The following LARGE1 variants were observed in gnomAD, a reference collection of about 807,000 sequenced individuals.
LARGE1 encodes LARGE xylosyl- and glucuronyltransferase 1, also known as xylosyl- and glucuronyltransferase LARGE1.
Under a neutral mutation model 87.6 loss-of-function variants are expected in LARGE1, and 43 were observed. The ratio of observed to expected loss-of-function variants is 0.49; its 90% CI spans 0.38 to 0.63. LARGE1 has a LOEUF of 0.63. LARGE1 is among the 30% of genes least tolerant of loss of function. The pLI, the probability that LARGE1 is intolerant of heterozygous loss-of-function variation, is 0.00. For missense variants in LARGE1, 802 were observed against 1,000.2 expected (o/e 0.80, Z 2.67); for synonymous variants, 434 against 394.6 (o/e 1.10, Z -1.18).
chr22:33,173,351 A>G (rs1922681641), intron 11 of LARGE1, among the ~76,000 whole-genome samples: 1 of 152,242 alleles, frequency 6.6e-6, no homozygotes, highest in South Asian at 2.1e-4. Flanking sequence ...TCCTGAAGGA[A>G]GCATTAAACA....
chr22:33,365,004 T>G (rs916746869), intron 9 of LARGE1, among the ~76,000 whole-genome samples: 21 of 152,194 alleles, frequency 1.4e-4, no homozygotes, highest in Admixed American at 6.5e-5. Context: ...CCTTCAGAAT[T>G]TTATCCCTTT....
intron 9 of LARGE1, among the ~76,000 whole-genome samples, chr22:33,376,580 G>A (rs548375105): frequency 2.6e-5 from 4 of 152,166 alleles, no homozygotes; most frequent in African/African-American, 7.2e-5. Flanking sequence ...TCAGAACAAG[G>A]CTCTATATCA....
chr22:33,573,388 G>A (rs1395407196), intron 5 of LARGE1, among the ~76,000 whole-genome samples: 7 of 151,726 alleles, frequency 4.6e-5, no homozygotes, highest in Admixed American at 2.6e-4. Flanking sequence ...GCAGTGAGCC[G>A]AGATCGAGCC....
chr22:33,393,126 T>C (rs1375460013), intron 7 of LARGE1, among the ~76,000 whole-genome samples: 1 of 152,244 alleles, frequency 6.6e-6, no homozygotes, highest in African/African-American at 2.4e-5. Context: ...TGAGTCTGTT[T>C]AGGATGTTAA....
chr22:33,857,856 C>G (rs568982317), intron 1 of LARGE1, among the ~76,000 whole-genome samples: 3 of 152,286 alleles, frequency 2.0e-5, no homozygotes. Context: ...GATCTAGAAC[C>G]AGAAATACCA....
chr22:33,256,740 C>A (rs368048610), intron 11 of LARGE1, among the ~76,000 whole-genome samples: 2 of 152,208 alleles, frequency 1.3e-5, no homozygotes, highest in African/African-American at 2.4e-5. Flanking sequence ...TAGCCTCATG[C>A]GGTCTGTATC....
the LARGE1 span, among the ~76,000 whole-genome samples, chr22:33,085,708 T>C: frequency 6.6e-6 from 1 of 152,348 alleles, no homozygotes; most frequent in Non-Finnish European, 1.5e-5. Flanking sequence ...TTATTGTTGA[T>C]TTGTATAATG....
chr22:33,721,113 C>T (rs1296711052), intron 2 of LARGE1, among the ~76,000 whole-genome samples: 1 of 152,202 alleles, frequency 6.6e-6, no homozygotes, highest in Non-Finnish European at 1.5e-5. Flanking sequence ...AACTAAACAA[C>T]AAAACTGGGC....
At chr22:33,833,211 G>A (rs1395622081) in intron 1 of LARGE1, among the ~76,000 whole-genome samples, 1 of 152,160 alleles carries the variant, frequency 6.6e-6, no homozygotes, top group African/African-American at 2.4e-5. Flanking sequence ...ACATCTGAAT[G>A]GCGGATTACC....
At chr22:33,181,984 G>A (rs868147912) in intron 11 of LARGE1, among the ~76,000 whole-genome samples, 4 of 151,794 alleles carry the variant, frequency 2.6e-5, no homozygotes, top group South Asian at 2.1e-4. Context: ...AACCACACCC[G>A]GCTAATTTTT....
At chr22:33,800,566 T>G (rs758562305) in intron 1 of LARGE1, among the ~76,000 whole-genome samples, 2 of 152,176 alleles carry the variant, frequency 1.3e-5, no homozygotes, top group African/African-American at 4.8e-5. Context: ...CACCCCACCC[T>G]AGTCCCTGGC....
intron 10 of LARGE1, among the ~76,000 whole-genome samples, chr22:33,329,346 A>G (rs963731115): frequency 6.6e-6 from 1 of 151,672 alleles, no homozygotes; most frequent in Admixed American, 6.6e-5. Flanking sequence ...GATGTTTGGT[A>G]TGTTTCATAA....
intron 10 of LARGE1, among the ~76,000 whole-genome samples, chr22:33,321,888 G>A (rs889114442): frequency 6.6e-6 from 1 of 152,070 alleles, no homozygotes; most frequent in Non-Finnish European, 1.5e-5. Flanking sequence ...GCACGATCTC[G>A]GCTCACTGCA....
At chr22:33,922,703 CAT>C (rs1386166725), upstream of LARGE1, 1 of 152,202 alleles carries the variant, frequency 6.6e-6, no homozygotes, top group Non-Finnish European at 1.5e-5. Flanking sequence ...CGGAGAAGAA[CAT>C]TATATGAAAA....
At chr22:33,255,063 T>G (rs547739390) in intron 11 of LARGE1, among the ~76,000 whole-genome samples, 1 of 151,284 alleles carries the variant, frequency 6.6e-6, no homozygotes, top group East Asian at 2.0e-4. Flanking sequence ...TCAGCCTCCC[T>G]GGTAACTGGG....
Position 33,781,216 on chromosome 22 carries a change from C to T in LARGE1, c.-82-19658G>A, listed in dbSNP as rs184525638. 3.1e-3 allele frequency among the ~76,000 whole-genome samples: 467 copies of T among 152,196 alleles called. 1 individual carries two copies. Among genetic ancestry groups the T allele is most frequent in the Middle Eastern group, 6.8e-3 (2 of 294 alleles). On this transcript the variant is annotated intron_variant, in intron 1 of 14. Transcript: ENST00000397394. Reference sequence around the variant, plus strand: ...TTCCAAATCTATAATTTCACACTGACGGCCAGGTGCTGTGGCTCACACCTG... The same window carrying T: ...TTCCAAATCTATAATTTCACACTGATGGCCAGGTGCTGTGGCTCACACCTG...
chr22:33,667,822 C>T (rs140483332), intron 2 of LARGE1, among the ~76,000 whole-genome samples: 24 of 152,316 alleles, frequency 1.6e-4, no homozygotes, highest in Middle Eastern at 3.4e-3. Flanking sequence ...GGGGCAAAGG[C>T]CTTTTCTATA....
chr22:33,703,581 GC>G (rs2082466240), intron 2 of LARGE1, among the ~76,000 whole-genome samples: 1 of 152,150 alleles, frequency 6.6e-6, no homozygotes, highest in Non-Finnish European at 1.5e-5. Context: ...TAAGAGAGAT[GC>G]AGGAAGAGTC....
At chr22:33,752,615 T>C (rs772730468) in intron 2 of LARGE1, among the ~76,000 whole-genome samples, 9 of 152,164 alleles carry the variant, frequency 5.9e-5, no homozygotes, top group Non-Finnish European at 1.3e-4. Context: ...TGGATACATA[T>C]ATGTCAAATT....
Sources: allele counts gnomAD v4.1 joint callset (sites outside exome capture counted in the v4.1 genomes callset), GRCh38; gene constraint gnomAD v4.1.1; transcripts MANE v1.5; gene names NCBI Gene and HGNC (gene_info 2026-07-23, HGNC 2026-07-21).